The following HDAC9 variants were observed in gnomAD, a reference collection of about 807,000 sequenced individuals.
HDAC9 encodes MEF-2 interacting transcription repressor (MITR) protein.
In HDAC9, 41 loss-of-function variants were observed where a neutral mutation model predicts 139.4. The observed-to-expected ratio is 0.29, with a 90% CI of 0.23 to 0.38. The LOEUF (loss-of-function observed/expected upper bound fraction) is 0.38, where lower values mean the gene tolerates loss of function less well. Among genes scored for constraint, HDAC9 ranks in the 10% least tolerant of loss-of-function variants. The probability of loss-of-function intolerance (pLI) is 1.00; values close to 1 mark genes in which losing one functional copy is unlikely to be tolerated. For synonymous variants in HDAC9, 517 were observed against 476.2 expected, an observed-to-expected ratio of 1.09 and a Z score of -1.12; for missense variants, 1,147 against 1,297.0, an observed-to-expected ratio of 0.88 and a Z score of 1.78.
intron 1 of HDAC9, among the ~76,000 whole-genome samples, chr7:18,347,269 G>A (rs540284383): frequency 1.3e-5 from 2 of 152,292 alleles, no homozygotes; most frequent in East Asian, 3.9e-4. Flanking sequence ...AGCAGAAAGT[G>A]AAGGAAAATG....
intron 12 of HDAC9, among the ~76,000 whole-genome samples, chr7:18,711,935 T>C (rs1024854671): frequency 9.1e-6 from 1 of 110,266 alleles, no homozygotes; most frequent in Non-Finnish European, 2.2e-5. Flanking sequence ...CATACTTCTT[T>C]TTTTTTTTTT....
chr7:18,111,656 A>G (rs958134188), intron 1 of HDAC9, among the ~76,000 whole-genome samples: 3 of 152,168 alleles, frequency 2.0e-5, no homozygotes, highest in Non-Finnish European at 4.4e-5. Flanking sequence ...TTGTTTTTCA[A>G]CTTGTATTTT....
chr7:18,133,340 GA>G (rs894539770), intron 1 of HDAC9, among the ~76,000 whole-genome samples: 1 of 150,680 alleles, frequency 6.6e-6, no homozygotes, highest in African/African-American at 2.4e-5. Flanking sequence ...ACCCTCTTAA[GA>G]AAAAAAAATC....
chr7:18,092,340 T>C (rs1782216435), intron 1 of HDAC9, among the ~76,000 whole-genome samples: 1 of 151,640 alleles, frequency 6.6e-6, no homozygotes, highest in African/African-American at 2.4e-5. Context: ...CAGTAAGCCA[T>C]GATCGTGCCA....
rs1449869754 is a variant in HDAC9, at chr7:18,605,476, G to A, written c.664+11447G>A. Among the ~76,000 whole-genome samples the A allele has an allele frequency of 3.3e-5, 5 of 152,166 alleles. No individual in the cohort carries two copies. The South Asian group carries it at 1.0e-3, about 31-fold the overall frequency. On this transcript the variant is annotated intron_variant, in intron 6 of 25. Transcript: ENST00000686413. Reference sequence around the variant, plus strand: ...GCTGTTGTTATGAAGAATCCTTCGTGTGTATTTCAAAATTGTTACTTTTTC... The same window carrying A: ...GCTGTTGTTATGAAGAATCCTTCGTATGTATTTCAAAATTGTTACTTTTTC...
chr7:18,829,217 G>T lies in HDAC9; in HGVS notation c.2378+1G>T. 1 of 1,609,214 alleles carries T rather than the reference G, an allele frequency of 6.2e-7. No individual in the cohort carries two copies. Among genetic ancestry groups the T allele is most frequent in the East Asian group, 2.2e-5 (1 of 44,860 alleles). On this transcript the variant is annotated splice_donor_variant, in intron 18 of 25. Transcript: ENST00000686413. LOFTEE classifies it high-confidence loss of function. ...ATCACGCTGAAGAATCCACAGCCAT[G>T]TAAGTACCAGGGACTGTTGCCCATC...
intron 22 of HDAC9, among the ~76,000 whole-genome samples, chr7:18,916,427 TAC>T (rs149877457): frequency 0.029 from 4,414 of 152,036 alleles, 207 homozygotes; most frequent in African/African-American, 0.099. Context: ...CTCAAAATAA[TAC>T]AGTTAGTAAA....
intron 1 of HDAC9, among the ~76,000 whole-genome samples, chr7:18,114,791 T>C (rs757602603): frequency 6.6e-6 from 1 of 152,216 alleles, no homozygotes; most frequent in Non-Finnish European, 1.5e-5. Context: ...TTTTTATATC[T>C]GAACGATTTA....
chr7:18,807,778 C>A (rs1793837304), intron 17 of HDAC9, among the ~76,000 whole-genome samples: 1 of 152,048 alleles, frequency 6.6e-6, no homozygotes, highest in Non-Finnish European at 1.5e-5. Context: ...CTCTTGTGGT[C>A]AGAAAAGATA....
At chr7:18,200,473 A>C (rs1402434577) in intron 2 of HDAC9, among the ~76,000 whole-genome samples, 1 of 152,058 alleles carries the variant, frequency 6.6e-6, no homozygotes, top group Non-Finnish European at 1.5e-5. Flanking sequence ...TGTCAGTGGA[A>C]CGTTTCAGTA....
intron 2 of HDAC9, among the ~76,000 whole-genome samples, chr7:18,196,658 A>C (rs543895285): frequency 6.6e-6 from 1 of 152,288 alleles, no homozygotes; most frequent in East Asian, 1.9e-4. Flanking sequence ...GTGTCATTAT[A>C]AGTTAAGGAG....
chr7:18,975,292 A>C (rs922628967), intron 24 of HDAC9, among the ~76,000 whole-genome samples: 1 of 152,256 alleles, frequency 6.6e-6, no homozygotes, highest in African/African-American at 2.4e-5. Flanking sequence ...AACATCCAGG[A>C]CTAACAAACC....
chr7:18,449,186 G>A (rs1298367566), intron 1 of HDAC9, among the ~76,000 whole-genome samples: 1 of 152,104 alleles, frequency 6.6e-6, no homozygotes, highest in African/African-American at 2.4e-5. Flanking sequence ...AAGAATGTTT[G>A]TAGCAGCCCT....
intron 12 of HDAC9, among the ~76,000 whole-genome samples, chr7:18,704,485 G>T (rs549850912): frequency 6.6e-6 from 1 of 152,250 alleles, no homozygotes. Flanking sequence ...TGTGTGTTTG[G>T]AATCTCCTTA....
chr7:18,392,919 C>CAAAAAAAAAA (rs773532939), intron 1 of HDAC9, among the ~76,000 whole-genome samples: 8 of 44,536 alleles, frequency 1.8e-4, no homozygotes, highest in Admixed American at 3.0e-4. Context: ...CCATGACTGG[C>CAAAAAAAAAA]AAAAAAAAAA....
At chr7:18,261,787 T>C (rs7779273) in intron 2 of HDAC9, among the ~76,000 whole-genome samples, 62,052 of 152,144 alleles carry the variant, frequency 0.41, 14,253 homozygotes, top group Admixed American at 0.53. Context: ...ATATTCCCTT[T>C]GTTTTTGTTG....
intron 22 of HDAC9, among the ~76,000 whole-genome samples, chr7:18,879,095 C>T (rs547051465): frequency 6.6e-6 from 1 of 152,236 alleles, no homozygotes; most frequent in South Asian, 2.1e-4. Flanking sequence ...AGGAATACAA[C>T]TAATCAGGGA....
intron 24 of HDAC9, among the ~76,000 whole-genome samples, chr7:18,965,896 G>A (rs372758587): frequency 6.6e-6 from 1 of 152,186 alleles, no homozygotes; most frequent in South Asian, 2.1e-4. Flanking sequence ...GGCGGGACAT[G>A]TGGATGAGGC....
chr7:18,731,177 C>T (rs924282337), intron 13 of HDAC9, among the ~76,000 whole-genome samples: 4 of 152,082 alleles, frequency 2.6e-5, no homozygotes, highest in African/African-American at 9.7e-5. Flanking sequence ...AGTTAATATT[C>T]TCAAACCATA....
Sources: allele counts gnomAD v4.1 joint callset (sites outside exome capture counted in the v4.1 genomes callset), GRCh38; gene constraint gnomAD v4.1.1; transcripts MANE v1.5; gene names NCBI Gene and HGNC (gene_info 2026-07-23, HGNC 2026-07-21).